AXL: variants seen among roughly 807,000 people sequenced by gnomAD.
AXL encodes the protein AXL receptor tyrosine kinase.
In AXL, 52 loss-of-function variants were observed where a neutral mutation model predicts 104.5. The ratio of observed to expected loss-of-function variants is 0.50; its 90% CI spans 0.40 to 0.63. The LOEUF (loss-of-function observed/expected upper bound fraction) is 0.63, where lower values mean the gene tolerates loss of function less well. Among genes scored for constraint, AXL ranks in the 20% least tolerant of loss-of-function variants. The pLI is 0.00. For missense variants in AXL, 1,024 were observed against 1,188.5 expected (o/e 0.86, Z 2.04); for synonymous variants, 455 against 473.7 (o/e 0.96, Z 0.51).
rs2122196012 is a variant in AXL, at chr19:41,220,873, C to A, written c.308+15C>A. 6.2e-7 allele frequency: 1 copy of A among 1,610,708 alleles called. No individual in the cohort carries two copies. The highest frequency in any genetic ancestry group is 2.2e-5 in the East Asian group (1 of 44,756). ...AGCCAGCTCAGGTGTGTGGCCACATCCCCGAATCCCACTCCCACCTCCGTC... is the reference window on the plus strand; with the variant it reads ...AGCCAGCTCAGGTGTGTGGCCACATACCCGAATCCCACTCCCACCTCCGTC... On this transcript the variant is annotated intron_variant, in intron 2 of 19. Transcript: ENST00000301178.
intron 6 of AXL, among the ~76,000 whole-genome samples, chr19:41,235,065 G>A (rs2034054893): frequency 6.6e-6 from 1 of 152,116 alleles, no homozygotes. Context: ...AAAATAATAA[G>A]TGACAGGCCG....
At position 41,231,052 on chromosome 19, in the gene AXL, C is replaced by G. The variant is rs1461640874; in HGVS notation, c.667+5C>G. The G allele has an allele frequency of 6.2e-7, 1 of 1,613,952 alleles. No homozygotes were observed. Among genetic ancestry groups the G allele is most frequent in the South Asian group, 1.1e-5 (1 of 91,084 alleles). ...CCCGCACAGCCACCATCACAGGTGA[C>G]AGAGTTGGGAGGTGGGGAGCTGGGC... On this transcript the variant is annotated splice_donor_5th_base_variant and intron_variant, in intron 5 of 19. Transcript: ENST00000301178.
chr19:41,241,135 C>T (rs2034173834), intron 10 of AXL, among the ~76,000 whole-genome samples: 1 of 152,192 alleles, frequency 6.6e-6, no homozygotes, highest in African/African-American at 2.4e-5. Context: ...TCTAAGACTT[C>T]ACGAATACTC....
At chr19:41,220,196 A>C (rs2033761599) in intron 1 of AXL, among the ~76,000 whole-genome samples, 1 of 144,618 alleles carries the variant, frequency 6.9e-6, no homozygotes, top group Non-Finnish European at 1.5e-5. Context: ...TCTCTGTCTC[A>C]TCTCCCCTGC....
intron 10 of AXL, among the ~76,000 whole-genome samples, chr19:41,242,593 GTGCTGGGATAAC>G (rs2034202572): frequency 1.3e-5 from 2 of 152,082 alleles, no homozygotes; most frequent in Admixed American, 6.6e-5. Flanking sequence ...GCCTCCCAAA[GTGCTGGGATAAC>G]AGGCATGAGC....
intron 14 of AXL, among the ~76,000 whole-genome samples, chr19:41,250,110 T>G (rs2034337803): frequency 6.6e-6 from 1 of 152,190 alleles, no homozygotes. Flanking sequence ...AGGACCCTAA[T>G]GTCCCCACCT....
intron 12 of AXL, among the ~76,000 whole-genome samples, chr19:41,247,646 A>G (rs1215338803): frequency 1.3e-5 from 2 of 150,116 alleles, no homozygotes; most frequent in African/African-American, 4.9e-5. Flanking sequence ...GTGCAGTGGC[A>G]TGAGCTCAGC....
rs1456601803 is a variant in AXL, at chr19:41,227,610, C to G, written c.587-3357C>G. 2.0e-5 allele frequency among the ~76,000 whole-genome samples: 3 copies of G among 151,906 alleles called. 1 individual carries two copies. Among genetic ancestry groups the G allele is most frequent in the African/African-American group, 4.8e-5 (2 of 41,462 alleles). ...TAGCAGTTATCGTGCCTCAGCCTCC[C>G]GAGTAGCTGGGATTACAGGCACGCG... On this transcript the variant is annotated intron_variant, in intron 4 of 19. Coordinates refer to ENST00000301178, the MANE Select transcript of AXL (RefSeq NM_021913.5).
intron 12 of AXL, 169 bp downstream of exon 12, chr19:41,243,876 A>T (rs771718655): frequency 5.8e-5 from 35 of 603,968 alleles, no homozygotes; most frequent in Non-Finnish European, 9.3e-5. Flanking sequence ...ACCACAAAGA[A>T]CTTTCAAGGA....
intron 6 of AXL, among the ~76,000 whole-genome samples, chr19:41,234,431 G>A (rs1331600704): frequency 1.3e-5 from 2 of 151,894 alleles, no homozygotes; most frequent in Non-Finnish European, 2.9e-5. Flanking sequence ...GACCTGCCTG[G>A]CCAACATGGT....
At chr19:41,221,806 A>T in intron 3 of AXL, 74 bp from the exon 4 acceptor site, 1 of 1,511,938 alleles carries the variant, frequency 6.6e-7, no homozygotes, top group Non-Finnish European at 8.9e-7. Context: ...CAAAGCCTAC[A>T]GCATCCTAGT....
At chr19:41,220,548 C>A in intron 1 of AXL, 88 bp from the exon 2 acceptor site, 2 of 1,217,838 alleles carry the variant, frequency 1.6e-6, no homozygotes, top group Admixed American at 2.5e-5. Flanking sequence ...GGGTCCTGGC[C>A]GCCGGTGGGC....
intron 4 of AXL, among the ~76,000 whole-genome samples, chr19:41,227,363 TACA>T (rs2033899746): frequency 6.6e-6 from 1 of 152,160 alleles, no homozygotes; most frequent in Admixed American, 6.6e-5. Context: ...GCAACCTCAG[TACA>T]TATATATATG....
rs146060336 is a variant in AXL, at chr19:41,252,442, C to T, written c.1803C>T (p.Ile601=). 206 of 1,613,894 alleles carry T rather than the reference C, an allele frequency of 1.3e-4. No homozygotes were observed. The African/African-American group carries it at 2.3e-3, about 18-fold the overall frequency. Reference sequence around the variant, plus strand: ...ACCATCCCAACGTCATGAGGCTCATCGGTGAGAGAGGGGCAGATTCAAGGG... The same window carrying T: ...ACCATCCCAACGTCATGAGGCTCATTGGTGAGAGAGGGGCAGATTCAAGGG... ...EFDHPNVMRL[I]GVCFQGSERE... Residue 601 remains isoleucine (I), a splice_region_variant and synonymous_variant, in exon 15 of 20, where the codon ATC becomes ATT. Transcript: ENST00000301178.
intron 6 of AXL, 121 bp from the exon 7 acceptor site, chr19:41,237,823 G>A: frequency 2.2e-6 from 2 of 896,870 alleles, no homozygotes. Flanking sequence ...GCATGGCACT[G>A]CAACACACAC....
intron 18 of AXL, 33 bp from the exon 19 acceptor site, chr19:41,257,460 G>A: frequency 6.2e-7 from 1 of 1,614,010 alleles, no homozygotes; most frequent in Middle Eastern, 1.7e-4. Context: ...TTCTGTGCAG[G>A]AGAGACTGTC....
rs1319838203 is a variant in AXL at position 41,259,778 on chromosome 19, C to T, written c.2559C>T (p.Ser853=). 6.2e-7 allele frequency: 1 copy of T among 1,614,146 alleles called. No individual in the cohort carries two copies. The highest frequency in any genetic ancestry group is 2.2e-5 in the East Asian group (1 of 44,882). Residue 853 remains serine (S), a synonymous_variant, in exon 20 of 20, where the codon AGC becomes AGT. Coordinates refer to ENST00000301178, the MANE Select transcript of AXL (RefSeq NM_021913.5). ...PTQPDPKDSC[S]CLTAAEVHPA... ...AGCCAGACCCTAAGGATTCCTGTAG[C>T]TGCCTCACTGCGGCTGAGGTCCATC...
Position 41,260,297 on chromosome 19 carries a change from ACTT to A in AXL, c.*394_*396del. ...TTAAAGTGCTAAGGTTCTAAGGCCTACTTTTTTTTTTTTTTTTTTTTTTTTTTT... is the reference window on the plus strand; with the variant it reads ...TTAAAGTGCTAAGGTTCTAAGGCCTATTTTTTTTTTTTTTTTTTTTTTTTT... On this transcript the variant is annotated 3_prime_UTR_variant, in exon 20 of 20. Coordinates refer to ENST00000301178, the MANE Select transcript of AXL (RefSeq NM_021913.5). The A allele has an allele frequency of 1.4e-5, 1 of 69,180 alleles. No individual in the cohort carries two copies. The highest frequency in any genetic ancestry group is 2.6e-5 in the Non-Finnish European group (1 of 38,816). The allele number at this position is 69,180 out of a possible 1,614,324, so 4.3% of individuals were successfully genotyped here. A position where few individuals can be genotyped will look rare whatever the true frequency, so the allele number is the denominator to read the frequency against.
intron 7 of AXL, 116 bp downstream of exon 7, chr19:41,238,270 C>A: frequency 7.0e-7 from 1 of 1,430,166 alleles, no homozygotes; most frequent in Non-Finnish European, 9.7e-7. Flanking sequence ...AATCTCCTTC[C>A]CATCCAATCT....
Sources: gnomAD v4.1 joint callset for allele counts (sites outside exome capture counted in the v4.1 genomes callset) on GRCh38, gnomAD v4.1.1 for gene constraint, MANE v1.5 for transcripts, NCBI Gene and HGNC (gene_info 2026-07-23, HGNC 2026-07-21) for gene names.